Variants in ARMH3 observed in about 807,000 individuals in gnomAD.
ARMH3 encodes armadillo like helical domain containing 3, also known as armadillo-like helical domain-containing protein 3.
A neutral mutation model predicts 99.1 loss-of-function variants in ARMH3; 60 were observed. The observed-to-expected ratio is 0.61, with a 90% CI of 0.49 to 0.75. ARMH3 has a LOEUF of 0.75. Among genes scored for constraint, ARMH3 ranks in the 30% least tolerant of loss-of-function variants. The pLI, the probability that ARMH3 is intolerant of heterozygous loss-of-function variation, is 0.00. For synonymous variants in ARMH3, 285 were observed against 292.8 expected, an observed-to-expected ratio of 0.97 and a Z score of 0.27; for missense variants, 679 against 843.1, an observed-to-expected ratio of 0.81 and a Z score of 2.41.
chr10:102,041,075 C>CATATATATATATATAATATATATAT (rs199540605), intron 1 of ARMH3, among the ~76,000 whole-genome samples: 6 of 132,008 alleles, frequency 4.5e-5, no homozygotes, highest in African/African-American at 1.4e-4. Context: ...ATTGTGTGTA[C>CATATATATATATATAATATATATAT]ATATATATAT....
In ARMH3 at chr10:101,928,796, T is replaced by C. The variant is rs1843609249; in HGVS notation, c.1781+11067A>G. 5.3e-5 allele frequency among the ~76,000 whole-genome samples: 8 copies of C among 152,318 alleles called. No homozygotes were observed. The South Asian group carries it at 1.7e-3, about 32-fold the overall frequency. On this transcript the variant is annotated intron_variant, in intron 23 of 25. Transcript: ENST00000370033. Reference sequence around the variant, plus strand: ...TCCAGGCTGGAGTGCAATGGTGCGATCTCGGCTCACTGCAACCTCCATCTC... The same window carrying C: ...TCCAGGCTGGAGTGCAATGGTGCGACCTCGGCTCACTGCAACCTCCATCTC...
chr10:101,934,252 G>A (rs1022680556), intron 23 of ARMH3, among the ~76,000 whole-genome samples: 9 of 152,146 alleles, frequency 5.9e-5, no homozygotes, highest in Non-Finnish European at 8.8e-5. Flanking sequence ...GCACATGTGC[G>A]CACCCATGTA....
chr10:102,021,842 G>C (rs373857780), intron 8 of ARMH3, among the ~76,000 whole-genome samples: 2 of 151,866 alleles, frequency 1.3e-5, no homozygotes, highest in African/African-American at 4.8e-5. Flanking sequence ...CATCGCGCCC[G>C]GCCAACCAGC....
At chr10:102,038,032 C>T (rs144774505) in intron 2 of ARMH3, among the ~76,000 whole-genome samples, 300 of 150,360 alleles carry the variant, frequency 2.0e-3, no homozygotes, top group Non-Finnish European at 3.6e-3. Flanking sequence ...TTCCCATCCC[C>T]AAAGCTCACT....
chr10:101,963,165 CAG>C (rs1329830583), intron 20 of ARMH3, among the ~76,000 whole-genome samples: 12 of 132,640 alleles, frequency 9.0e-5, no homozygotes, highest in Admixed American at 4.0e-4. Context: ...TTTTTTGAAA[CAG>C]AGTCTCACTC....
chr10:101,894,731 T>C (rs1178981946), intron 23 of ARMH3, among the ~76,000 whole-genome samples: 1 of 152,120 alleles, frequency 6.6e-6, no homozygotes, highest in Non-Finnish European at 1.5e-5. Context: ...AGTACTTCTC[T>C]CTCACTTTTA....
At chr10:102,027,457 C>T (rs1487608716) in intron 5 of ARMH3, among the ~76,000 whole-genome samples, 1 of 151,854 alleles carries the variant, frequency 6.6e-6, no homozygotes, top group African/African-American at 2.4e-5. Flanking sequence ...CTCATCACAG[C>T]GTGGGGCCTG....
intron 24 of ARMH3, among the ~76,000 whole-genome samples, chr10:101,856,486 C>T (rs540576968): frequency 6.6e-6 from 1 of 152,078 alleles, no homozygotes; most frequent in Non-Finnish European, 1.5e-5. Context: ...GGCTAATCTT[C>T]CATTTTCCCA....
chr10:101,875,986 C>G (rs2067252154), intron 24 of ARMH3, among the ~76,000 whole-genome samples: 1 of 152,110 alleles, frequency 6.6e-6, no homozygotes, highest in Admixed American at 6.6e-5. Flanking sequence ...CAGTGGTTCA[C>G]GCCTGTAATC....
chr10:102,020,349 T>C (rs540595453), intron 8 of ARMH3, among the ~76,000 whole-genome samples: 100 of 152,002 alleles, frequency 6.6e-4, no homozygotes, highest in Middle Eastern at 6.8e-3. Context: ...CTGGCCAACA[T>C]GGTAAAACCC....
intron 23 of ARMH3, among the ~76,000 whole-genome samples, chr10:101,934,000 AG>A (rs1843838721): frequency 6.6e-6 from 1 of 152,262 alleles, no homozygotes; most frequent in Non-Finnish European, 1.5e-5. Flanking sequence ...CAGCCCAAAC[AG>A]GTGAGTGGGC....
chr10:102,028,420 T>C (rs1422628538), intron 5 of ARMH3, among the ~76,000 whole-genome samples: 1 of 152,108 alleles, frequency 6.6e-6, no homozygotes, highest in Non-Finnish European at 1.5e-5. Context: ...CATACATCCA[T>C]ACAGAAACTT....
chr10:102,044,563 G>A (rs961649404), intron 1 of ARMH3, among the ~76,000 whole-genome samples: 1 of 151,618 alleles, frequency 6.6e-6, no homozygotes, highest in Admixed American at 6.6e-5. Context: ...ATAGAAACAG[G>A]ATTTTGCCAT....
intron 24 of ARMH3, among the ~76,000 whole-genome samples, chr10:101,850,737 C>G (rs900397096): frequency 1.3e-4 from 20 of 152,144 alleles, no homozygotes; most frequent in African/African-American, 4.8e-4. Flanking sequence ...ACTTTCTCAT[C>G]TCTTCTATTC....
chr10:101,969,717 G>C (rs2135891487), intron 20 of ARMH3, among the ~76,000 whole-genome samples: 1 of 152,330 alleles, frequency 6.6e-6, no homozygotes, highest in Admixed American at 6.5e-5. Flanking sequence ...AAGCTGAACA[G>C]ATTGTTCTGG....
chr10:101,857,801 A>G (rs1428043452), intron 24 of ARMH3, among the ~76,000 whole-genome samples: 3 of 152,246 alleles, frequency 2.0e-5, no homozygotes, highest in Admixed American at 6.5e-5. Flanking sequence ...AGACTGAAAG[A>G]GAAATGGAAG....
At chr10:101,919,241 TTTCTTTTTGTC>T (rs1216268478) in intron 23 of ARMH3, among the ~76,000 whole-genome samples, 1 of 152,160 alleles carries the variant, frequency 6.6e-6, no homozygotes, top group East Asian at 1.9e-4. Context: ...CGTCCCTTCC[TTTCTTTTTGTC>T]TTAAACAATG....
chr10:101,875,871 C>T (rs1169985075), intron 24 of ARMH3, among the ~76,000 whole-genome samples: 1 of 152,144 alleles, frequency 6.6e-6, no homozygotes, highest in Non-Finnish European at 1.5e-5. Context: ...AGATCCAACA[C>T]ACACAGGTCC....
At chr10:101,876,784 G>GA (rs1489274488) in intron 24 of ARMH3, among the ~76,000 whole-genome samples, 2 of 152,138 alleles carry the variant, frequency 1.3e-5, no homozygotes, top group East Asian at 3.9e-4. Flanking sequence ...AGATCTACTG[G>GA]AAAAAAGGTG....
Sources: gnomAD v4.1 joint callset for allele counts (sites outside exome capture counted in the v4.1 genomes callset) on GRCh38, gnomAD v4.1.1 for gene constraint, MANE v1.5 for transcripts, NCBI Gene and HGNC (gene_info 2026-07-23, HGNC 2026-07-21) for gene names.